PTPRZ1: variants seen among roughly 807,000 people sequenced by gnomAD.
The protein encoded by PTPRZ1 is receptor-type tyrosine-protein phosphatase zeta.
PTPRZ1 carries 82 observed loss-of-function variants against 214.1 expected under a neutral mutation model. The ratio of observed to expected loss-of-function variants is 0.38; its 90% CI spans 0.32 to 0.46. The LOEUF is 0.46. Among genes scored for constraint, PTPRZ1 ranks in the 20% least tolerant of loss-of-function variants. The pLI is 1.00. For synonymous variants in PTPRZ1, 945 were observed against 987.9 expected, an observed-to-expected ratio of 0.96 and a Z score of 0.81; for missense variants, 2,603 against 2,748.7, an observed-to-expected ratio of 0.95 and a Z score of 1.19.
intron 28 of PTPRZ1, 77 bp from the exon 29 acceptor site, chr7:122,059,676 A>G (rs1792503641): frequency 4.0e-6 from 6 of 1,486,872 alleles, no homozygotes; most frequent in East Asian, 2.3e-5. Context: ...TGTCAAGGCT[A>G]TATGCTTTGT....
At chr7:121,896,971 T>G (rs1349490041) in intron 1 of PTPRZ1, among the ~76,000 whole-genome samples, 1 of 152,184 alleles carries the variant, frequency 6.6e-6, no homozygotes, top group African/African-American at 2.4e-5. Context: ...GCAATTTGCC[T>G]TAATCTCTAA....
intron 23 of PTPRZ1, among the ~76,000 whole-genome samples, chr7:122,047,140 G>C (rs894869876): frequency 1.3e-5 from 2 of 152,136 alleles, no homozygotes; most frequent in African/African-American, 4.8e-5. Context: ...GAATGGAGGA[G>C]GCCGTTGGAT....
chr7:121,970,149 G>A (rs1797192551), intron 3 of PTPRZ1, among the ~76,000 whole-genome samples: 1 of 152,028 alleles, frequency 6.6e-6, no homozygotes, highest in African/African-American at 2.4e-5. Context: ...TTTTATGGCT[G>A]CATAGTATTC....
At chr7:121,993,572 C>CAAAAAAAAAAAAAAAAAAAAAAAA (rs66916301) in intron 8 of PTPRZ1, among the ~76,000 whole-genome samples, 2 of 73,606 alleles carry the variant, frequency 2.7e-5, no homozygotes, top group Non-Finnish European at 5.1e-5. Flanking sequence ...GAGACTGTCT[C>CAAAAAAAAAAAAAAAAAAAAAAAA]AAAAAAAAAA....
At chr7:122,001,631 G>A (rs1306370041) in intron 10 of PTPRZ1, among the ~76,000 whole-genome samples, 1 of 152,112 alleles carries the variant, frequency 6.6e-6, no homozygotes, top group East Asian at 1.9e-4. Flanking sequence ...TTTATTTCGT[G>A]CACTGTGAAA....
rs759053339 is a variant in PTPRZ1, at chr7:122,010,491, C to A, written c.1445C>A (p.Ser482Tyr). 17 of 1,613,902 alleles carry A rather than the reference C, an allele frequency of 1.1e-5. No individual in the cohort carries two copies. Among genetic ancestry groups the A allele is most frequent in the Non-Finnish European group, 1.4e-5 (17 of 1,179,942 alleles). Residue 482 changes from serine (S) to tyrosine (Y), a missense_variant, in exon 12 of 30, where the codon TCC becomes TAC. Ser to Tyr is a moderately radical substitution (Grantham distance 144). Transcript: ENST00000393386. Reference sequence around the variant, plus strand: ...TACAATGAAGCCAAGACTAACCGATCCCCAACAAGAGGAAGTGAATTCTCT... The same window carrying A: ...TACAATGAAGCCAAGACTAACCGATACCCAACAAGAGGAAGTGAATTCTCT... The part of the protein sequence containing the change: ...TKYNEAKTNR[S>Y]PTRGSEFSGK...
chr7:122,042,890 A>G (rs1025091905), intron 22 of PTPRZ1, 147 bp downstream of exon 22: 2 of 836,430 alleles, frequency 2.4e-6, no homozygotes, highest in Non-Finnish European at 3.7e-6. Flanking sequence ...CATAGTTCTG[A>G]TGTCTGTAGG....
chr7:121,951,782 C>G (rs971282824), intron 2 of PTPRZ1, among the ~76,000 whole-genome samples: 3 of 152,114 alleles, frequency 2.0e-5, no homozygotes, highest in Non-Finnish European at 4.4e-5. Context: ...TTCCTTTGCC[C>G]CAGCTTCCTG....
chr7:122,023,074 G>A (rs541385858), intron 13 of PTPRZ1, among the ~76,000 whole-genome samples: 2 of 152,134 alleles, frequency 1.3e-5, no homozygotes, highest in South Asian at 4.1e-4. Context: ...AACTCATAGG[G>A]ACCATAGACA....
In PTPRZ1 at chr7:122,019,120, A is replaced by G. The variant is rs754147314; in HGVS notation, c.4844-4A>G. 6.2e-6 allele frequency: 10 copies of G among 1,606,608 alleles called. No homozygotes were observed. The highest frequency in any genetic ancestry group is 8.5e-6 in the Non-Finnish European group (10 of 1,175,628). On this transcript the variant is annotated splice_region_variant and splice_polypyrimidine_tract_variant and intron_variant, in intron 12 of 29. Transcript: ENST00000393386. The stretch of plus-strand genomic sequence containing the variant: ...TCAATTCTCTCAATTTTCTCTGACT[A>G]CAGAGGCCAGTAATAGTAGCCATGA...
At chr7:121,892,595 A>C (rs992303000) in intron 1 of PTPRZ1, among the ~76,000 whole-genome samples, 3 of 149,582 alleles carry the variant, frequency 2.0e-5, no homozygotes, top group Non-Finnish European at 4.5e-5. Flanking sequence ...GATTATTCAC[A>C]AGTATTAAAT....
intron 4 of PTPRZ1, among the ~76,000 whole-genome samples, chr7:121,975,162 G>A (rs2116538832): frequency 6.6e-6 from 1 of 152,302 alleles, no homozygotes; most frequent in African/African-American, 2.4e-5. Flanking sequence ...ATTCCAGCCT[G>A]AGTGACAGAG....
At chr7:122,058,356 G>T (rs754797061) in intron 27 of PTPRZ1, among the ~76,000 whole-genome samples, 21 of 151,970 alleles carry the variant, frequency 1.4e-4, no homozygotes, top group Non-Finnish European at 2.8e-4. Context: ...CTACCTCCTT[G>T]TCGGCGTTTT....
At chr7:121,900,524 T>C (rs1916883) in intron 1 of PTPRZ1, among the ~76,000 whole-genome samples, 89,755 of 152,112 alleles carry the variant, frequency 0.59, 28,150 homozygotes, top group African/African-American at 0.81. Flanking sequence ...TACCACATGA[T>C]ATGTAAATGA....
At chr7:122,013,920 G>T (rs376579623) in intron 12 of PTPRZ1, 31 bp downstream of exon 12, 1 of 1,513,818 alleles carries the variant, frequency 6.6e-7, no homozygotes, top group South Asian at 1.3e-5. Flanking sequence ...ACAGATTGAG[G>T]TGTGGTGGTT....
At chr7:122,046,900 A>C (rs1000527627) in intron 23 of PTPRZ1, among the ~76,000 whole-genome samples, 1 of 152,196 alleles carries the variant, frequency 6.6e-6, no homozygotes, top group African/African-American at 2.4e-5. Context: ...ATTGGATAAA[A>C]TAGCCAATTA....
intron 1 of PTPRZ1, among the ~76,000 whole-genome samples, chr7:121,900,729 C>T (rs986089719): frequency 2.6e-5 from 4 of 152,154 alleles, no homozygotes; most frequent in Non-Finnish European, 2.9e-5. Context: ...ACCATAAGGA[C>T]GTACCTGAAG....
intron 1 of PTPRZ1, among the ~76,000 whole-genome samples, chr7:121,906,418 T>A (rs950810587): frequency 6.6e-6 from 1 of 152,186 alleles, no homozygotes; most frequent in African/African-American, 2.4e-5. Flanking sequence ...TTCTTACTAA[T>A]GTACTAAAGG....
At chr7:122,026,496 G>A (rs1482397220) in intron 13 of PTPRZ1, among the ~76,000 whole-genome samples, 1 of 152,144 alleles carries the variant, frequency 6.6e-6, no homozygotes, top group African/African-American at 2.4e-5. Flanking sequence ...TTTCTGTATA[G>A]TTTCTGCCAC....
Sources: allele counts gnomAD v4.1 joint callset (sites outside exome capture counted in the v4.1 genomes callset), GRCh38; gene constraint gnomAD v4.1.1; transcripts MANE v1.5; gene names NCBI Gene and HGNC (gene_info 2026-07-23, HGNC 2026-07-21).